The following TEK variants were observed in gnomAD, a reference collection of about 807,000 sequenced individuals.
TEK encodes the protein angiopoietin-1 receptor.
In TEK, 43 loss-of-function variants were observed where a neutral mutation model predicts 131.8. The ratio of observed to expected loss-of-function variants is 0.33; its 90% confidence interval spans 0.26 to 0.42. The LOEUF (loss-of-function observed/expected upper bound fraction) is 0.42, where lower values mean the gene tolerates loss of function less well. Ranked by LOEUF, TEK falls within the 10% of genes least tolerant of loss-of-function variation. TEK has a pLI of 1.00. For synonymous variants in TEK, 580 were observed against 491.6 expected, an observed-to-expected ratio of 1.18 and a Z score of -2.38; for missense variants, 1,162 against 1,384.4, an observed-to-expected ratio of 0.84 and a Z score of 2.55.
intron 1 of TEK, among the ~76,000 whole-genome samples, chr9:27,125,376 G>A (rs746407747): frequency 6.6e-6 from 1 of 152,232 alleles, no homozygotes; most frequent in Non-Finnish European, 1.5e-5. Flanking sequence ...TGCCAGCCAG[G>A]AAAAAGTCAC....
intron 20 of TEK, 113 bp from the exon 21 acceptor site, chr9:27,219,936 C>A (rs1477684399): frequency 5.5e-6 from 6 of 1,089,224 alleles, no homozygotes; most frequent in Non-Finnish European, 7.1e-6. Flanking sequence ...GGATGCTCAC[C>A]CTCTCTTGCC....
rs369370428 is a variant in TEK, at chr9:27,190,495, G to A, written c.1328-34G>A. ...AGAACAATCACAAAACCTCAAAGCCGAAGGACTAATCTGCCTTCTGAAATT... is the reference window on the plus strand; with the variant it reads ...AGAACAATCACAAAACCTCAAAGCCAAAGGACTAATCTGCCTTCTGAAATT... On this transcript the variant is annotated intron_variant, in intron 9 of 22. Transcript: ENST00000380036. 245 of 1,613,476 alleles carry A rather than the reference G, an allele frequency of 1.5e-4. 1 individual carries two copies. In the East Asian group the frequency reaches 3.2e-3, roughly 21 times the overall value.
intron 1 of TEK, among the ~76,000 whole-genome samples, chr9:27,132,906 T>C (rs1587494372): frequency 6.6e-6 from 1 of 152,052 alleles, no homozygotes; most frequent in Non-Finnish European, 1.5e-5. Flanking sequence ...GAGAGACAGG[T>C]TTGGCTGTTT....
At chr9:27,118,038 C>A (rs952478313) in intron 1 of TEK, among the ~76,000 whole-genome samples, 18 of 152,256 alleles carry the variant, frequency 1.2e-4, no homozygotes, top group African/African-American at 4.3e-4. Flanking sequence ...CACACAGGGC[C>A]TGGGTTGTGC....
At chr9:27,185,752 G>A (rs1824577857) in intron 9 of TEK, 123 bp downstream of exon 9, 44 of 1,364,616 alleles carry the variant, frequency 3.2e-5, no homozygotes, top group Non-Finnish European at 4.1e-5. Context: ...AGGATAGTAA[G>A]CCTTTAAAAA....
intron 21 of TEK, among the ~76,000 whole-genome samples, chr9:27,222,995 T>TAAACC (rs1826150232): frequency 6.6e-6 from 1 of 151,934 alleles, no homozygotes; most frequent in Non-Finnish European, 1.5e-5. Flanking sequence ...TAAAACAGAC[T>TAAACC]AAACCAACAA....
At chr9:27,214,889 T>C (rs535847) in intron 18 of TEK, among the ~76,000 whole-genome samples, 49,560 of 151,938 alleles carry the variant, frequency 0.33, 8,545 homozygotes, top group East Asian at 0.54. Context: ...TTTTCAGGCA[T>C]ACTCAAAGCA....
intron 18 of TEK, among the ~76,000 whole-genome samples, chr9:27,215,560 G>GTTTT (rs58505932): frequency 7.0e-6 from 1 of 142,014 alleles, no homozygotes; most frequent in African/African-American, 2.6e-5. Flanking sequence ...CTGCATTAGG[G>GTTTT]TTTTTTTTTT....
At chr9:27,177,064 A>G (rs1824196583) in intron 6 of TEK, among the ~76,000 whole-genome samples, 1 of 152,198 alleles carries the variant, frequency 6.6e-6, no homozygotes. Flanking sequence ...ATATGTGTAC[A>G]CACCACATTT....
chr9:27,216,714 G>A (rs779486806), intron 18 of TEK, among the ~76,000 whole-genome samples: 6 of 152,168 alleles, frequency 3.9e-5, no homozygotes, highest in Non-Finnish European at 7.3e-5. Flanking sequence ...TTCAGGAATC[G>A]TCCTTGGGAT....
At chr9:27,194,491 G>A (rs575387340) in intron 11 of TEK, among the ~76,000 whole-genome samples, 1 of 152,150 alleles carries the variant, frequency 6.6e-6, no homozygotes, top group Non-Finnish European at 1.5e-5. Flanking sequence ...AGAGGAAAAA[G>A]GGACCTCTAC....
chr9:27,178,864 C>T (rs1478306459), intron 6 of TEK, among the ~76,000 whole-genome samples: 1 of 152,124 alleles, frequency 6.6e-6, no homozygotes, highest in East Asian at 1.9e-4. Context: ...TATAAAGAAA[C>T]AGTCTTAAAA....
chr9:27,110,693 CAAAA>C (rs1251124329), intron 1 of TEK, among the ~76,000 whole-genome samples: 2 of 151,870 alleles, frequency 1.3e-5, no homozygotes, highest in African/African-American at 2.4e-5. Context: ...ATTAAATATT[CAAAA>C]AACAAATCCA....
At chr9:27,190,465 A>T in intron 9 of TEK, 64 bp from the exon 10 acceptor site, 1 of 1,596,934 alleles carries the variant, frequency 6.3e-7, no homozygotes, top group Non-Finnish European at 8.6e-7. Context: ...TTCTACCTCT[A>T]CCTAAGAACA....
At chr9:27,224,326 A>G (rs943902618) in intron 21 of TEK, among the ~76,000 whole-genome samples, 1 of 152,216 alleles carries the variant, frequency 6.6e-6, no homozygotes, top group African/African-American at 2.4e-5. Flanking sequence ...CTTCAGGCCA[A>G]TATCCCTGAT....
At chr9:27,197,238 A>G (rs1044581941) in intron 11 of TEK, 77 bp from the exon 12 acceptor site, 16 of 1,501,028 alleles carry the variant, frequency 1.1e-5, no homozygotes, top group African/African-American at 6.9e-5. Flanking sequence ...ACATTTCAGT[A>G]TGAGATTTGG....
chr9:27,157,067 C>A (rs1304139271), intron 1 of TEK, among the ~76,000 whole-genome samples: 1 of 152,130 alleles, frequency 6.6e-6, no homozygotes, highest in Non-Finnish European at 1.5e-5. Flanking sequence ...AAGTGTACTT[C>A]CTCATTTACA....
At chr9:27,130,309 T>C (rs1216151943) in intron 1 of TEK, among the ~76,000 whole-genome samples, 1 of 152,124 alleles carries the variant, frequency 6.6e-6, no homozygotes, top group Non-Finnish European at 1.5e-5. Context: ...ACAGGAAAAC[T>C]AATTTTCTGT....
At chr9:27,176,498 C>G (rs923541467) in intron 6 of TEK, among the ~76,000 whole-genome samples, 4 of 152,234 alleles carry the variant, frequency 2.6e-5, no homozygotes, top group Admixed American at 2.0e-4. Context: ...CTTAACCTTT[C>G]TACCATCTGC....
Sources: gnomAD v4.1 joint callset for allele counts (sites outside exome capture counted in the v4.1 genomes callset) on GRCh38, gnomAD v4.1.1 for gene constraint, MANE v1.5 for transcripts, NCBI Gene and HGNC (gene_info 2026-07-23, HGNC 2026-07-21) for gene names.